The following UBN2 variants were observed in gnomAD, a reference collection of about 807,000 sequenced individuals.
UBN2 encodes ubinuclein-2.
In UBN2, 35 loss-of-function variants were observed where a neutral mutation model predicts 120.2. The ratio of observed to expected loss-of-function variants is 0.29; its 90% CI spans 0.22 to 0.39. UBN2 has a LOEUF of 0.39. Among genes scored for constraint, UBN2 ranks in the 10% least tolerant of loss-of-function variants. The probability of loss-of-function intolerance (pLI) is 1.00; values close to 1 mark genes in which losing one functional copy is unlikely to be tolerated. For synonymous variants in UBN2, 661 were observed against 648.7 expected (o/e 1.02, Z -0.29); for missense variants, 1,693 against 1,663.2 (o/e 1.02, Z -0.31).
chr7:139,290,689 C>T (rs914101750), intron 15 of UBN2, among the ~76,000 whole-genome samples: 4 of 152,058 alleles, frequency 2.6e-5, no homozygotes, highest in African/African-American at 9.7e-5. Flanking sequence ...AGATGAGAGG[C>T]CAGAACTATG....
chr7:139,321,516 C>T, the UBN2 span, among the ~76,000 whole-genome samples: 5 of 152,132 alleles, frequency 3.3e-5, no homozygotes, highest in East Asian at 7.7e-4. Flanking sequence ...GTAGGCCTGC[C>T]GTGGTTCTCT....
intron 6 of UBN2, among the ~76,000 whole-genome samples, chr7:139,265,816 T>TC (rs1797080278): frequency 1.3e-5 from 2 of 152,134 alleles, no homozygotes; most frequent in Admixed American, 1.3e-4. Flanking sequence ...AGGAACAAGG[T>TC]CTTCCCTAGA....
downstream of UBN2, among the ~76,000 whole-genome samples, chr7:139,309,371 G>T (rs938550773): frequency 1.3e-5 from 2 of 152,220 alleles, no homozygotes; most frequent in Non-Finnish European, 2.9e-5. Context: ...GAGGGGGACT[G>T]TAAGTGCCTT....
intron 2 of UBN2, among the ~76,000 whole-genome samples, chr7:139,240,032 A>T (rs1417979479): frequency 6.6e-6 from 1 of 152,242 alleles, no homozygotes; most frequent in African/African-American, 2.4e-5. Flanking sequence ...GCATAGAAAG[A>T]TCAGCGTTCT....
intron 8 of UBN2, among the ~76,000 whole-genome samples, chr7:139,271,391 A>G (rs1797270106): frequency 6.6e-6 from 1 of 152,080 alleles, no homozygotes; most frequent in African/African-American, 2.4e-5. Context: ...GTTCGAGACC[A>G]GCCTGGCCAA....
chr7:139,321,183 C>G, the UBN2 span, among the ~76,000 whole-genome samples: 1 of 152,222 alleles, frequency 6.6e-6, no homozygotes, highest in Non-Finnish European at 1.5e-5. Context: ...ACCTTCACAG[C>G]TCATGCTGAG....
At chr7:139,255,892 C>T (rs1272386848) in intron 3 of UBN2, among the ~76,000 whole-genome samples, 1 of 151,990 alleles carries the variant, frequency 6.6e-6, no homozygotes, top group Non-Finnish European at 1.5e-5. Flanking sequence ...ATAATGATAC[C>T]AGGCATGATT....
At chr7:139,295,314 A>C (rs536812252) in intron 17 of UBN2, among the ~76,000 whole-genome samples, 2 of 152,164 alleles carry the variant, frequency 1.3e-5, no homozygotes, top group South Asian at 4.1e-4. Context: ...AATGTCAGCA[A>C]TCCCGATCTT....
chr7:139,234,511 AC>A (rs776336763), intron 1 of UBN2, among the ~76,000 whole-genome samples: 2 of 152,132 alleles, frequency 1.3e-5, no homozygotes, highest in Non-Finnish European at 2.9e-5. Flanking sequence ...GGTTAGCTAA[AC>A]CTTTAACCTT....
At chr7:139,293,105 C>T (rs1449589741) in intron 15 of UBN2, 127 bp from the exon 16 acceptor site, 1 of 738,204 alleles carries the variant, frequency 1.4e-6, no homozygotes. Flanking sequence ...AATGAAGAGC[C>T]TGTCTCACAA....
intron 15 of UBN2, among the ~76,000 whole-genome samples, chr7:139,289,157 G>T (rs1053697106): frequency 1.3e-5 from 2 of 152,100 alleles, no homozygotes; most frequent in African/African-American, 2.4e-5. Flanking sequence ...CTGACTTCTT[G>T]TGCATGATCC....
At chr7:139,252,783 C>T (rs1466355761) in intron 3 of UBN2, among the ~76,000 whole-genome samples, 1 of 151,330 alleles carries the variant, frequency 6.6e-6, no homozygotes, top group Non-Finnish European at 1.5e-5. Flanking sequence ...AAATAAGTTT[C>T]TTAAAAAAAA....
At chr7:139,289,374 TATTTA>T (rs923632084) in intron 15 of UBN2, among the ~76,000 whole-genome samples, 2 of 152,018 alleles carry the variant, frequency 1.3e-5, no homozygotes, top group African/African-American at 4.8e-5. Flanking sequence ...ATACTTGAGT[TATTTA>T]ATTTTGGAAA....
chr7:139,252,162 G>T, intron 3 of UBN2, 105 bp downstream of exon 3: 18 of 851,022 alleles, frequency 2.1e-5, no homozygotes, highest in South Asian at 7.7e-5. Flanking sequence ...TTTTATTTGT[G>T]CTTTTTAAAG....
Position 139,266,316 on chromosome 7 carries a change from C to A in UBN2, c.1396-17C>A. 2 of 1,518,910 alleles carry A rather than the reference C, an allele frequency of 1.3e-6. No individual in the cohort carries two copies. The highest frequency in any genetic ancestry group is 9.0e-7 in the Non-Finnish European group (1 of 1,108,510). 94.1% of individuals were successfully genotyped at this position (1,518,910 alleles called of 1,614,324 possible). A position where few individuals can be genotyped will look rare whatever the true frequency, so the allele number is the denominator to read the frequency against. ...ATGGCCTATTTTGATTTATTATCAT[C>A]TTTCTTGTTTCTTTAGGCTGCCAAA... On this transcript the variant is annotated splice_polypyrimidine_tract_variant and intron_variant, in intron 6 of 17. Transcript: ENST00000473989.
chr7:139,327,215 T>C, the UBN2 span, among the ~76,000 whole-genome samples: 3 of 152,110 alleles, frequency 2.0e-5, no homozygotes, highest in Non-Finnish European at 4.4e-5. Context: ...GTATTTTCAG[T>C]AGAGACAGGG....
At chr7:139,289,036 G>A (rs986998007) in intron 15 of UBN2, among the ~76,000 whole-genome samples, 2 of 151,786 alleles carry the variant, frequency 1.3e-5, no homozygotes, top group African/African-American at 2.4e-5. Flanking sequence ...GCCCACTACG[G>A]GAAGAGCAAG....
chr7:139,243,102 C>T (rs1796368247), intron 2 of UBN2, among the ~76,000 whole-genome samples: 1 of 152,118 alleles, frequency 6.6e-6, no homozygotes, highest in African/African-American at 2.4e-5. Context: ...GTACTAAGAA[C>T]ATCTTGTTTG....
At chr7:139,240,454 A>ATATTTTT (rs371717591) in intron 2 of UBN2, among the ~76,000 whole-genome samples, 21 of 123,108 alleles carry the variant, frequency 1.7e-4, no homozygotes, top group African/African-American at 4.2e-4. Flanking sequence ...ATATATATAT[A>ATATTTTT]TTTTTTTTTT....
Sources: allele counts gnomAD v4.1 joint callset (sites outside exome capture counted in the v4.1 genomes callset), GRCh38; gene constraint gnomAD v4.1.1; transcripts MANE v1.5; gene names NCBI Gene and HGNC (gene_info 2026-07-23, HGNC 2026-07-21).